The following TOX3 variants were observed in gnomAD, a reference collection of about 807,000 sequenced individuals.
The protein encoded by TOX3 is CAG trinucleotide repeat-containing gene F9 protein.
TOX3 carries 22 observed loss-of-function variants against 64.3 expected under a neutral mutation model. The ratio of observed to expected loss-of-function variants is 0.34; its 90% CI spans 0.24 to 0.49. The LOEUF (loss-of-function observed/expected upper bound fraction) is 0.49. Ranked by LOEUF, TOX3 falls within the 20% of genes least tolerant of loss-of-function variation. The pLI is 0.99. For synonymous variants in TOX3, 291 were observed against 273.6 expected (o/e 1.06, Z -0.63); for missense variants, 661 against 714.4 (o/e 0.93, Z 0.85).
In TOX3 at chr16:52,546,927, G is replaced by A. The variant is rs1963210439; in HGVS notation, c.-204C>T. On this transcript the variant is annotated 5_prime_UTR_variant, in exon 1 of 7. Coordinates refer to ENST00000219746, the MANE Select transcript of TOX3 (RefSeq NM_001080430.4). ...AAAGGCGCGGCCACGCGAGCCGCGG[G>A]AGAGCGGGAGGCGGCCGGGGGGACG... 9.6e-7 allele frequency: 1 copy of A among 1,040,988 alleles called. No homozygotes were observed. The highest frequency in any genetic ancestry group is 1.2e-6 in the Non-Finnish European group (1 of 867,288). 64.5% of individuals were successfully genotyped at this position (1,040,988 alleles called of 1,614,324 possible). A position where few individuals can be genotyped will look rare whatever the true frequency, so the allele number is the denominator to read the frequency against.
chr16:52,537,229 C>G (rs533645209), intron 1 of TOX3, among the ~76,000 whole-genome samples: 1 of 152,020 alleles, frequency 6.6e-6, no homozygotes, highest in South Asian at 2.1e-4. Flanking sequence ...TTTACTAGTA[C>G]CTACTCAATA....
rs539749989 is a variant in TOX3 at position 52,440,292 on chromosome 16, C to G, written c.988-324G>C. On this transcript the variant is annotated intron_variant, in intron 6 of 6. Transcript: ENST00000219746. ...ACAGACATGTGGCCCAATTACCCCC[C>G]TCAAGAGTCAGTTCACTGCCAGCCA... Among the ~76,000 whole-genome samples, 8 of 152,296 alleles carry G rather than the reference C, an allele frequency of 5.3e-5. No individual in the cohort carries two copies. The South Asian group carries it at 1.2e-3, about 24-fold the overall frequency.
At chr16:52,519,655 C>T (rs1304436591) in intron 1 of TOX3, 2 of 1,325,262 alleles carry the variant, frequency 1.5e-6, no homozygotes, top group Non-Finnish European at 2.0e-6. Flanking sequence ...CACTTCTTAC[C>T]AAGCAAGAAG....
chr16:52,518,816 G>A (rs1962523269), intron 1 of TOX3, among the ~76,000 whole-genome samples: 1 of 152,220 alleles, frequency 6.6e-6, no homozygotes. Context: ...TTACAAGCCT[G>A]ATGATCAATG....
At chr16:52,485,417 A>C (rs1961504029) in intron 1 of TOX3, among the ~76,000 whole-genome samples, 1 of 151,938 alleles carries the variant, frequency 6.6e-6, no homozygotes, top group Admixed American at 6.6e-5. Flanking sequence ...GTCACTTAAA[A>C]GTGAGAGCTA....
chr16:52,490,063 C>T (rs192753750), intron 1 of TOX3, among the ~76,000 whole-genome samples: 2 of 152,262 alleles, frequency 1.3e-5, no homozygotes, highest in Admixed American at 6.5e-5. Context: ...TGTAAGCTAC[C>T]GCGCCCAGCA....
At chr16:52,481,554 C>T (rs1224142193) in intron 1 of TOX3, among the ~76,000 whole-genome samples, 2 of 152,134 alleles carry the variant, frequency 1.3e-5, no homozygotes, top group Non-Finnish European at 2.9e-5. Context: ...CATATAATCA[C>T]TTAAGCCAAA....
chr16:52,530,876 T>G (rs1962837553), intron 1 of TOX3, among the ~76,000 whole-genome samples: 1 of 152,184 alleles, frequency 6.6e-6, no homozygotes, highest in African/African-American at 2.4e-5. Context: ...ACCCTAATAA[T>G]CATGCAGCCT....
At chr16:52,441,375 G>C (rs958627647) in intron 6 of TOX3, among the ~76,000 whole-genome samples, 15 of 152,136 alleles carry the variant, frequency 9.9e-5, no homozygotes, top group Non-Finnish European at 1.9e-4. Flanking sequence ...ATTTATCAAA[G>C]GAGTCATAGA....
At chr16:52,515,267 T>A (rs904550080) in intron 1 of TOX3, among the ~76,000 whole-genome samples, 9 of 151,832 alleles carry the variant, frequency 5.9e-5, no homozygotes, top group African/African-American at 1.9e-4. Flanking sequence ...TTGTCCTTGG[T>A]CCTGAATAAC....
At chr16:52,530,091 T>C (rs898295435) in intron 1 of TOX3, among the ~76,000 whole-genome samples, 43 of 152,206 alleles carry the variant, frequency 2.8e-4, no homozygotes, top group African/African-American at 1.0e-3. Context: ...CTTAGATATA[T>C]TATTTCTTCC....
chr16:52,451,095 G>A (rs1259505599), intron 3 of TOX3, among the ~76,000 whole-genome samples: 5 of 152,130 alleles, frequency 3.3e-5, no homozygotes, highest in Admixed American at 1.3e-4. Flanking sequence ...AAAGCATAGA[G>A]CTTTAGTTTC....
At chr16:52,518,400 G>A (rs906516400) in intron 1 of TOX3, among the ~76,000 whole-genome samples, 1 of 152,130 alleles carries the variant, frequency 6.6e-6, no homozygotes, top group Admixed American at 6.5e-5. Flanking sequence ...ACCCATGGGA[G>A]AAATAGATAT....
At chr16:52,474,795 T>C (rs1168234881) in intron 1 of TOX3, among the ~76,000 whole-genome samples, 1 of 152,058 alleles carries the variant, frequency 6.6e-6, no homozygotes, top group Non-Finnish European at 1.5e-5. Context: ...CATGTCACTC[T>C]TCTGCTCAAA....
At chr16:52,517,659 C>T (rs1025950123) in intron 1 of TOX3, among the ~76,000 whole-genome samples, 1 of 151,946 alleles carries the variant, frequency 6.6e-6, no homozygotes, top group Admixed American at 6.5e-5. Flanking sequence ...CCTAGCTGCC[C>T]TCTGCAGTGA....
intron 1 of TOX3, among the ~76,000 whole-genome samples, chr16:52,501,246 A>G (rs933658546): frequency 2.0e-5 from 3 of 152,216 alleles, no homozygotes; most frequent in Non-Finnish European, 4.4e-5. Flanking sequence ...CTCTTTAATA[A>G]CATGGGCACC....
chr16:52,480,795 G>T (rs1410200938), intron 1 of TOX3, among the ~76,000 whole-genome samples: 2 of 152,182 alleles, frequency 1.3e-5, no homozygotes, highest in African/African-American at 4.8e-5. Flanking sequence ...ATGTTCAGGT[G>T]CCAAAAACTA....
rs577596981 is a variant in TOX3, at chr16:52,489,390, C to T, written c.88-20816G>A. 9.2e-5 allele frequency among the ~76,000 whole-genome samples: 14 copies of T among 152,254 alleles called. No homozygotes were observed. In the South Asian group the frequency reaches 1.5e-3, roughly 16 times the overall value. ...ACAATTTGTCTTCCTCTATTTAATG[C>T]GCTGTGATCATTAAGTCTACTGTGG... On this transcript the variant is annotated intron_variant, in intron 1 of 6. Transcript: ENST00000219746.
chr16:52,500,777 A>C (rs1216947363), intron 1 of TOX3, among the ~76,000 whole-genome samples: 2 of 152,226 alleles, frequency 1.3e-5, no homozygotes, highest in Non-Finnish European at 2.9e-5. Flanking sequence ...AATCTAAGAC[A>C]CCATTGATTA....
Sources: gnomAD v4.1 joint callset for allele counts (sites outside exome capture counted in the v4.1 genomes callset) on GRCh38, gnomAD v4.1.1 for gene constraint, MANE v1.5 for transcripts, NCBI Gene and HGNC (gene_info 2026-07-23, HGNC 2026-07-21) for gene names.